Variants in OTOGL observed in about 807,000 individuals in gnomAD.
The protein encoded by OTOGL is otogelin like, also known as otogelin-like protein.
OTOGL carries 285 observed loss-of-function variants against 318.5 expected under a neutral mutation model. The observed-to-expected ratio is 0.89, with a 90% CI of 0.81 to 0.99. OTOGL has a LOEUF of 0.99. Among genes scored for constraint, OTOGL ranks in the 50% least tolerant of loss-of-function variants. OTOGL has a pLI of 0.00. For synonymous variants in OTOGL, 987 were observed against 936.5 expected (o/e 1.05, Z -0.99); for missense variants, 2,899 against 2,845.6 (o/e 1.02, Z -0.43).
At chr12:80,208,337 G>T (rs943852551) in intron 1 of OTOGL, 9 of 423,106 alleles carry the variant, frequency 2.1e-5, no homozygotes, top group Non-Finnish European at 4.2e-5. Flanking sequence ...TAATAGAAAA[G>T]ACTCAGAAGT....
At chr12:80,351,290 GTTT>G (rs367974556) in intron 44 of OTOGL, among the ~76,000 whole-genome samples, 10 of 149,162 alleles carry the variant, frequency 6.7e-5, no homozygotes, top group South Asian at 2.1e-4. Flanking sequence ...TTGCCATTGT[GTTT>G]TTTTTTTTTT....
Position 80,313,603 on chromosome 12 carries a change from C to A in OTOGL, c.3578C>A (p.Ser1193Ter). The change falls in exon 31 of 59, where the codon TCA becomes TAA. Residue 1193 changes from serine (S) to a stop codon, truncating the protein, a stop_gained. Transcript: ENST00000547103. LOFTEE classifies it high-confidence loss of function. ...YAYKCCQEGI[S>*]IHWRSSTVCS... Reference sequence around the variant, plus strand: ...TACAAGTGTTGTCAGGAAGGAATATCAATTCATTGGAGATCATCTACTGTT... The same window carrying A: ...TACAAGTGTTGTCAGGAAGGAATATAAATTCATTGGAGATCATCTACTGTT... 1.2e-6 allele frequency: 2 copies of A among 1,612,548 alleles called. No individual in the cohort carries two copies. The highest frequency in any genetic ancestry group is 1.1e-5 in the South Asian group (1 of 90,964).
At chr12:80,108,416 A>G (rs1869585654) in intron 1 of OTOGL, among the ~76,000 whole-genome samples, 1 of 152,064 alleles carries the variant, frequency 6.6e-6, no homozygotes, top group African/African-American at 2.4e-5. Context: ...AAACGATGCT[A>G]AGCACTTGAA....
At chr12:80,147,156 A>G (rs1268535325) in intron 1 of OTOGL, among the ~76,000 whole-genome samples, 2 of 151,798 alleles carry the variant, frequency 1.3e-5, no homozygotes, top group African/African-American at 4.8e-5. Flanking sequence ...TAGGATGTCA[A>G]TTTTGGATCT....
At position 80,368,388 on chromosome 12, in the gene OTOGL, C is replaced by CCT. The variant is rs1011790883; in HGVS notation, c.6615+80_6615+81insTC. ...GAGTCAAAGTTTGGAAAATGTCCCC[C>CCT]CCCACACACACTGCACTGCATACAA... On this transcript the variant is annotated intron_variant, in intron 55 of 58. Coordinates refer to ENST00000547103, the MANE Select transcript of OTOGL (RefSeq NM_001378609.3). 2.0e-5 allele frequency: 18 copies of CCT among 881,634 alleles called. 1 individual carries two copies. The highest frequency in any genetic ancestry group is 3.3e-5 in the African/African-American group (2 of 60,220). The allele number at this position is 881,634 out of a possible 1,614,324, so 54.6% of individuals were successfully genotyped here.
intron 45 of OTOGL, among the ~76,000 whole-genome samples, chr12:80,353,074 C>T (rs1427761238): frequency 1.3e-5 from 2 of 152,090 alleles, no homozygotes; most frequent in Admixed American, 6.5e-5. Flanking sequence ...ATCTGATAAG[C>T]GTTTCCTACC....
intron 27 of OTOGL, among the ~76,000 whole-genome samples, chr12:80,299,015 G>A (rs1325708779): frequency 6.6e-6 from 1 of 152,172 alleles, no homozygotes; most frequent in South Asian, 2.1e-4. Flanking sequence ...TTAAAATCAT[G>A]TGGAATTTTT....
Position 80,377,161 on chromosome 12 carries a change from A to T in OTOGL, c.6820A>T (p.Lys2274Ter). ...EERICQKVII[K>*]SVIRKQDCMS... ...AAGAATATGCCAGAAAGTGATCATT[A>T]AATCGGTCATAAGGAAACAGGACTG... The change falls in exon 58 of 59, where the codon AAA becomes TAA. Residue 2274 changes from lysine (K) to a stop codon, truncating the protein, a stop_gained. Coordinates refer to ENST00000547103, the MANE Select transcript of OTOGL (RefSeq NM_001378609.3). LOFTEE classifies it high-confidence loss of function. 1 of 1,610,274 alleles carries T rather than the reference A, an allele frequency of 6.2e-7. No individual in the cohort carries two copies. Among genetic ancestry groups the T allele is most frequent in the Non-Finnish European group, 8.5e-7 (1 of 1,177,734 alleles).
chr12:80,127,874 A>G lies in OTOGL; in HGVS notation c.-20+28269A>G, dbSNP rs183774019. ...GCATGCATCACGTAGTTCTCGTGCC[A>G]TGGTTTTTAGCTCCATCAGGTCCTT... On this transcript the variant is annotated intron_variant, in intron 1 of 58. Coordinates refer to ENST00000547103, the MANE Select transcript of OTOGL (RefSeq NM_001378609.3). Among the ~76,000 whole-genome samples the G allele has an allele frequency of 6.8e-3, 1,033 of 152,192 alleles. 15 individuals are homozygous for G. Among genetic ancestry groups the G allele is most frequent in the African/African-American group, 0.022 (907 of 41,522 alleles).
chr12:80,323,823 A>G lies in OTOGL; in HGVS notation c.4182A>G (p.Ala1394=), dbSNP rs538948887. The G allele has an allele frequency of 1.2e-5, 19 of 1,611,846 alleles. No homozygotes were observed. The Admixed American group carries it at 1.3e-4, about 11-fold the overall frequency. Residue 1394 remains alanine, a synonymous_variant, in exon 35 of 59, where the codon GCA becomes GCG. Coordinates refer to ENST00000547103, the MANE Select transcript of OTOGL (RefSeq NM_001378609.3). ...FKTCSDPEAL[A]CKFLPPVEGC... ...CATGTAGTGACCCTGAAGCACTAGC[A>G]TGTAAATTTCTTCCACCGTAAGTAA...
intron 11 of OTOGL, among the ~76,000 whole-genome samples, chr12:80,241,893 G>C (rs1401209908): frequency 1.3e-5 from 2 of 151,922 alleles, no homozygotes; most frequent in East Asian, 1.9e-4. Flanking sequence ...CAATTTCATG[G>C]CCCAAACTGC....
intron 7 of OTOGL, among the ~76,000 whole-genome samples, chr12:80,223,549 C>G (rs545879117): frequency 2.0e-5 from 3 of 151,954 alleles, no homozygotes; most frequent in African/African-American, 7.2e-5. Context: ...TACCAACAAC[C>G]GTGTGAAAGT....
At chr12:80,344,247 A>G (rs916631853) in intron 44 of OTOGL, among the ~76,000 whole-genome samples, 2 of 152,200 alleles carry the variant, frequency 1.3e-5, no homozygotes, top group Admixed American at 1.3e-4. Context: ...ATTTTTTAAA[A>G]TTGCGTTTTT....
intron 1 of OTOGL, among the ~76,000 whole-genome samples, chr12:80,149,073 C>T (rs893512835): frequency 2.6e-5 from 4 of 152,164 alleles, no homozygotes; most frequent in Non-Finnish European, 5.9e-5. Context: ...CGTTCTCCGT[C>T]CAGCTTTGTT....
In OTOGL at chr12:80,253,547, C is replaced by A; in HGVS notation, c.1367C>A (p.Ser456Ter). ...GFHGLAYSVG[S>*]KIEQECTECV... ...CATGGATTAGCTTATTCAGTTGGTT[C>A]AAAAATTGAACAAGAATGTACTGAA... is the stretch of plus-strand genomic sequence containing the variant. The change falls in exon 14 of 59, where the codon TCA becomes TAA. Residue 456 changes from serine to a stop codon, truncating the protein, a stop_gained. Coordinates refer to ENST00000547103, the MANE Select transcript of OTOGL (RefSeq NM_001378609.3). LOFTEE classifies it high-confidence loss of function. The A allele has an allele frequency of 1.2e-6, 2 of 1,611,928 alleles. No individual in the cohort carries two copies. The highest frequency in any genetic ancestry group is 1.7e-6 in the Non-Finnish European group (2 of 1,178,302).
intron 9 of OTOGL, among the ~76,000 whole-genome samples, chr12:80,237,358 G>A (rs1427803070): frequency 1.3e-5 from 2 of 152,086 alleles, no homozygotes; most frequent in African/African-American, 4.8e-5. Flanking sequence ...TAAAGAAAAA[G>A]GTAGAGAAAG....
At chr12:80,375,141 C>A (rs1013264920) in intron 57 of OTOGL, among the ~76,000 whole-genome samples, 2 of 152,076 alleles carry the variant, frequency 1.3e-5, no homozygotes, top group Admixed American at 1.3e-4. Context: ...CCTTTCCTGC[C>A]GCCTTTGCTT....
At chr12:80,204,264 A>G (rs1017430488) in intron 1 of OTOGL, among the ~76,000 whole-genome samples, 1 of 152,198 alleles carries the variant, frequency 6.6e-6, no homozygotes, top group Non-Finnish European at 1.5e-5. Flanking sequence ...CTCCAAAAGC[A>G]GTTTTCCATA....
At chr12:80,344,137 T>A (rs571847963) in intron 44 of OTOGL, among the ~76,000 whole-genome samples, 1 of 152,320 alleles carries the variant, frequency 6.6e-6, no homozygotes, top group South Asian at 2.1e-4. Context: ...AAGTTTTAAA[T>A]GTTCACATTT....
Sources: gnomAD v4.1 joint callset for allele counts (sites outside exome capture counted in the v4.1 genomes callset) on GRCh38, gnomAD v4.1.1 for gene constraint, MANE v1.5 for transcripts, NCBI Gene and HGNC (gene_info 2026-07-23, HGNC 2026-07-21) for gene names.